PFKP: variants seen among roughly 807,000 people sequenced by gnomAD.
PFKP encodes the protein phosphofructokinase, platelet.
In PFKP, 101 loss-of-function variants were observed where a neutral mutation model predicts 94.3. The observed-to-expected ratio is 1.07, with a 90% CI of 0.91 to 1.26. The LOEUF is 1.26. Among genes scored for constraint, PFKP ranks in the 50% most tolerant of loss-of-function variants. PFKP has a pLI of 0.00. For missense variants in PFKP, 1,145 were observed against 1,103.3 expected (o/e 1.04, Z -0.53); for synonymous variants, 573 against 432.6 (o/e 1.32, Z -4.03).
intron 16 of PFKP, chr10:3,125,078 C>G (rs1242212594): frequency 8.1e-7 from 1 of 1,239,260 alleles, no homozygotes; most frequent in Non-Finnish European, 1.0e-6. Context: ...CCGCTAACCG[C>G]TTGGCCCTGC....
At chr10:3,082,743 C>G (rs184743898) in intron 2 of PFKP, among the ~76,000 whole-genome samples, 69 of 152,212 alleles carry the variant, frequency 4.5e-4, no homozygotes, top group African/African-American at 1.5e-3. Context: ...CTTTTTTAGA[C>G]AGTCTTGCTC....
At chr10:3,122,759 A>C (rs6602030) in intron 16 of PFKP, among the ~76,000 whole-genome samples, 102,653 of 152,078 alleles carry the variant, frequency 0.68, 34,970 homozygotes, top group South Asian at 0.76. Context: ...ACTGGCTTCT[A>C]TTGTTCAGAA....
chr10:3,124,976 T>G (rs1164276774), intron 16 of PFKP: 1 of 796,076 alleles, frequency 1.3e-6, no homozygotes, highest in Non-Finnish European at 1.6e-6. Flanking sequence ...TTGACCCGCA[T>G]GAACCGGCTT....
chr10:3,091,535 C>G (rs1564284739), intron 2 of PFKP, among the ~76,000 whole-genome samples: 2 of 152,162 alleles, frequency 1.3e-5, no homozygotes, highest in African/African-American at 4.8e-5. Context: ...AAGATTCTTG[C>G]CGAGCACCGT....
chr10:3,072,376 G>A (rs1178309892), intron 1 of PFKP, among the ~76,000 whole-genome samples: 1 of 152,260 alleles, frequency 6.6e-6, no homozygotes, highest in Non-Finnish European at 1.5e-5. Context: ...TGGCTTCGGA[G>A]CCCAGTAGGG....
chr10:3,093,753 C>T (rs1834248258), intron 2 of PFKP, among the ~76,000 whole-genome samples: 1 of 150,126 alleles, frequency 6.7e-6, no homozygotes, highest in Non-Finnish European at 1.5e-5. Flanking sequence ...ACGCCATTCT[C>T]CCGCCTCAGC....
intron 17 of PFKP, among the ~76,000 whole-genome samples, chr10:3,131,843 A>AG (rs774254641): frequency 2.1e-4 from 32 of 152,334 alleles, no homozygotes; most frequent in Non-Finnish European, 4.3e-4. Context: ...ATGAATCATT[A>AG]GAGAATTACC....
At chr10:3,136,337 G>T (rs751350621) in intron 21 of PFKP, 113 bp from the exon 22 acceptor site, 1 of 1,057,096 alleles carries the variant, frequency 9.5e-7, no homozygotes, top group Non-Finnish European at 1.4e-6. Flanking sequence ...AGTTGATTCA[G>T]CCGACCCTAC....
intron 1 of PFKP, among the ~76,000 whole-genome samples, chr10:3,080,658 T>C (rs1167520494): frequency 6.6e-6 from 1 of 151,944 alleles, no homozygotes; most frequent in Non-Finnish European, 1.5e-5. Flanking sequence ...TACCCAGCTC[T>C]CCAACGGGGT....
At chr10:3,135,008 G>A (rs1236398884) in intron 20 of PFKP, among the ~76,000 whole-genome samples, 1 of 151,278 alleles carries the variant, frequency 6.6e-6, no homozygotes, top group Non-Finnish European at 1.5e-5. Flanking sequence ...TTGTAGAACT[G>A]CATGTTCGTA....
Position 3,082,463 on chromosome 10 carries a change from T to C in PFKP, c.186+2T>C. The C allele has an allele frequency of 6.2e-7, 1 of 1,601,818 alleles. No homozygotes were observed. The highest frequency in any genetic ancestry group is 8.5e-7 in the Non-Finnish European group (1 of 1,171,882). On this transcript the variant is annotated splice_donor_variant, in intron 2 of 21. Transcript: ENST00000381125. LOFTEE classifies it high-confidence loss of function. ...GCCAAGGTGTACTTCATCTACGAGG[T>C]CAGTGTCTGCCCCTCACCCCCTGTC...
At chr10:3,092,692 G>GA (rs200773452) in intron 2 of PFKP, among the ~76,000 whole-genome samples, 2 of 133,404 alleles carry the variant, frequency 1.5e-5, no homozygotes, top group East Asian at 2.1e-4. Flanking sequence ...AAATATGGGG[G>GA]AAAAAAACCT....
At chr10:3,077,818 C>T (rs921047553) in intron 1 of PFKP, among the ~76,000 whole-genome samples, 7 of 152,120 alleles carry the variant, frequency 4.6e-5, no homozygotes, top group South Asian at 2.1e-4. Context: ...ATGAAGAAAG[C>T]GATTTAATAA....
At chr10:3,093,425 C>G (rs1107048) in intron 2 of PFKP, among the ~76,000 whole-genome samples, 1 of 152,318 alleles carries the variant, frequency 6.6e-6, no homozygotes, top group Non-Finnish European at 1.5e-5. Context: ...TGTGCAGTTT[C>G]TTACGTGTAG....
chr10:3,132,227 G>A (rs1838670694), intron 17 of PFKP, among the ~76,000 whole-genome samples, 153 bp from the exon 18 acceptor site: 1 of 152,204 alleles, frequency 6.6e-6, no homozygotes, highest in African/African-American at 2.4e-5. Flanking sequence ...CTATCTGGGA[G>A]GAGGCTCCCC....
rs370985029 is a variant in PFKP, at chr10:3,129,988, G to A, written c.1848+5G>A. 3 of 1,567,626 alleles carry A rather than the reference G, an allele frequency of 1.9e-6. No individual in the cohort carries two copies. The highest frequency in any genetic ancestry group is 2.4e-5 in the South Asian group (2 of 82,706). Reference sequence around the variant, plus strand: ...TTCGACATCAGGGATCTGCAGGTATGTGACGGGGCTGGCCTCAGGGCCCGT... The same window carrying A: ...TTCGACATCAGGGATCTGCAGGTATATGACGGGGCTGGCCTCAGGGCCCGT... On this transcript the variant is annotated splice_donor_5th_base_variant and intron_variant, in intron 17 of 21. Transcript: ENST00000381125.
At position 3,067,679 on chromosome 10, in the gene PFKP, C is replaced by G; in HGVS notation, c.84C>G (p.Gly28=). The change falls in exon 1 of 22, where the codon GGC becomes GGG. Residue 28 remains glycine, a synonymous_variant. Transcript: ENST00000381125. ...EHLSGAGKAI[G]VLTSGGDAQG... The stretch of plus-strand genomic sequence containing the variant: ...TCTCCGGGGCCGGCAAGGCCATCGG[C>G]GTGCTGACCAGCGGCGGGGATGCTC... 1 of 1,527,224 alleles carries G rather than the reference C, an allele frequency of 6.5e-7. No individual in the cohort carries two copies. The highest frequency in any genetic ancestry group is 8.8e-7 in the Non-Finnish European group (1 of 1,136,582). 94.6% of individuals were successfully genotyped at this position (1,527,224 alleles called of 1,614,324 possible).
intron 16 of PFKP, among the ~76,000 whole-genome samples, chr10:3,123,309 T>C (rs1348753572): frequency 6.6e-6 from 1 of 152,240 alleles, no homozygotes; most frequent in Non-Finnish European, 1.5e-5. Flanking sequence ...AAGGTGGCAG[T>C]GACCACAGCC....
At chr10:3,094,617 T>A (rs956237753) in intron 2 of PFKP, among the ~76,000 whole-genome samples, 1 of 152,126 alleles carries the variant, frequency 6.6e-6, no homozygotes, top group Non-Finnish European at 1.5e-5. Flanking sequence ...GCCTCTGAAT[T>A]TCCTAGAGAC....
Sources: allele counts gnomAD v4.1 joint callset (sites outside exome capture counted in the v4.1 genomes callset), GRCh38; gene constraint gnomAD v4.1.1; transcripts MANE v1.5; gene names NCBI Gene and HGNC (gene_info 2026-07-23, HGNC 2026-07-21).